Variants in AHNAK2 observed in about 807,000 individuals in gnomAD.
AHNAK2 encodes the protein protein AHNAK2.
A neutral mutation model predicts 30.7 loss-of-function variants in AHNAK2; 18 were observed. That is an observed-to-expected ratio of 0.59 (90% CI 0.41 to 0.87). AHNAK2 has a LOEUF of 0.87. AHNAK2 is among the 40% of genes least tolerant of loss of function. The pLI, the probability that AHNAK2 is intolerant of heterozygous loss-of-function variation, is 0.00. For synonymous variants in AHNAK2, 3,590 were observed against 3,073.8 expected, an observed-to-expected ratio of 1.17 and a Z score of -5.56; for missense variants, 8,604 against 7,373.0, an observed-to-expected ratio of 1.17 and a Z score of -6.11.
At chr14:104,974,422 C>T (rs1283525537) in intron 1 of AHNAK2, among the ~76,000 whole-genome samples, 4 of 152,264 alleles carry the variant, frequency 2.6e-5, no homozygotes, top group Admixed American at 1.3e-4. Flanking sequence ...CACCCCACCC[C>T]GTCCCAGATG....
chr14:104,946,713 C>A lies in AHNAK2; in HGVS notation c.8738G>T (p.Gly2913Val), dbSNP rs1488833635. The change falls in exon 7 of 7, where the codon GGC becomes GTC. Residue 2913 changes from glycine (G) to valine (V), a missense_variant. Coordinates refer to ENST00000333244, the MANE Select transcript of AHNAK2 (RefSeq NM_138420.4). Reference protein sequence around the residue: ...SFKMPKVDLKGPQIDVKGPKL... With the variant: ...SFKMPKVDLKVPQIDVKGPKL... ...GGGGCCCTTGACGTCTATCTGGGGG[C>A]CCTTGAGATCCACTTTGGGCATCTT... is the stretch of plus-strand genomic sequence containing the variant. 4 of 1,612,482 alleles carry A rather than the reference C, an allele frequency of 2.5e-6. No individual in the cohort carries two copies. The highest frequency in any genetic ancestry group is 1.7e-5 in the Admixed American group (1 of 59,898).
intron 4 of AHNAK2, among the ~76,000 whole-genome samples, 186 bp from the exon 5 acceptor site, chr14:104,955,819 C>G (rs1006144901): frequency 2.0e-5 from 3 of 152,194 alleles, no homozygotes; most frequent in Non-Finnish European, 4.4e-5. Flanking sequence ...CTGGAGGAAG[C>G]CAGCTGGAAC....
chr14:104,948,025 C>T lies in AHNAK2; in HGVS notation c.7426G>A (p.Val2476Met), dbSNP rs761226024. The T allele has an allele frequency of 1.9e-6, 3 of 1,612,748 alleles. No individual in the cohort carries two copies. The highest frequency in any genetic ancestry group is 8.5e-7 in the Non-Finnish European group (1 of 1,179,650). ...TTGAACCTGCTGTCTTTGGTAGTCA[C>T]ATCCTTGTCCGCCACAGACAGGTCC... is the stretch of plus-strand genomic sequence containing the variant. ...EGDLSVADKD[V>M]TTKDSRFKIP... Residue 2476 changes from valine to methionine, a missense_variant, in exon 7 of 7, where the codon GTG becomes ATG. Val to Met is a conservative substitution (Grantham distance 21, BLOSUM62 1). Transcript: ENST00000333244.
intron 1 of AHNAK2, among the ~76,000 whole-genome samples, chr14:104,970,668 C>T (rs953367985): frequency 1.3e-5 from 2 of 152,172 alleles, no homozygotes; most frequent in African/African-American, 2.4e-5. Context: ...GCCTGGCCAG[C>T]CCCCAACACT....
chr14:104,946,744 T>A lies in AHNAK2; in HGVS notation c.8707A>T (p.Ser2903Cys), dbSNP rs763401692. Residue 2903 changes from serine to cysteine, a missense_variant, in exon 7 of 7, where the codon AGT becomes TGT. Transcript: ENST00000333244. ...AGATCCACTTTGGGCATCTTGAAAC[T>A]GGGCATCTGCACCTTGGGCAGGTGC... ...KGHLPKVQMPSFKMPKVDLKG... is the reference protein window; with the variant it reads ...KGHLPKVQMPCFKMPKVDLKG... 2 of 1,612,528 alleles carry A rather than the reference T, an allele frequency of 1.2e-6. No individual in the cohort carries two copies. The highest frequency in any genetic ancestry group is 2.2e-5 in the South Asian group (2 of 91,028).
intron 1 of AHNAK2, among the ~76,000 whole-genome samples, chr14:104,969,231 T>TC (rs1899402703): frequency 6.6e-6 from 1 of 152,166 alleles, no homozygotes; most frequent in South Asian, 2.1e-4. Flanking sequence ...CAGCAGCCAT[T>TC]CCCCACTGCA....
Position 104,952,914 on chromosome 14 carries a change from G to T in AHNAK2, c.2537C>A (p.Ser846Ter), listed in dbSNP as rs200176964. Residue 846 changes from serine (S) to a stop codon, truncating the protein, a stop_gained, in exon 7 of 7, where the codon TCG (serine) becomes TAG (stop). Coordinates refer to ENST00000333244, the MANE Select transcript of AHNAK2 (RefSeq NM_138420.4). LOFTEE classifies it low-confidence loss of function (END_TRUNC). Reference protein sequence around the residue: ...PKFKMPSFGVSAPGKSMEDSV... With the variant: ...PKFKMPSFGV ...GTCCTCCATGGACTTGCCTGGGGCC[G>T]ACACCCCGAATGATGGCATCTTGAA... is the stretch of plus-strand genomic sequence containing the variant. 1.9e-6 allele frequency: 3 copies of T among 1,611,524 alleles called. No homozygotes were observed. The South Asian group carries it at 3.3e-5, about 18-fold the overall frequency.
chr14:104,969,846 G>A (rs777134600), intron 1 of AHNAK2, among the ~76,000 whole-genome samples: 6 of 152,168 alleles, frequency 3.9e-5, no homozygotes, highest in Non-Finnish European at 8.8e-5. Context: ...CTGAAAGGCC[G>A]GCCCCACAGA....
Position 104,944,222 on chromosome 14 carries a change from G to C in AHNAK2, c.11229C>G (p.Ile3743Met), listed in dbSNP as rs1432864806. The change falls in exon 7 of 7, where the codon ATC becomes ATG. Residue 3743 changes from isoleucine (I) to methionine (M), a missense_variant. Ile to Met is a conservative substitution (Grantham distance 10). Coordinates refer to ENST00000333244, the MANE Select transcript of AHNAK2 (RefSeq NM_138420.4). ...CTTTTAGGTCCAGCTTGGGGCCCTT[G>C]ATGTCCACCTGGGGGCCCTTGAGGT... is the stretch of plus-strand genomic sequence containing the variant. ...KVDLKGPQVD[I>M]KGPKLDLKVS... The C allele has an allele frequency of 1.2e-6, 2 of 1,611,190 alleles. No individual in the cohort carries two copies. The highest frequency in any genetic ancestry group is 1.7e-6 in the Non-Finnish European group (2 of 1,178,936).
chr14:104,956,018 T>C (rs545213668), intron 4 of AHNAK2, among the ~76,000 whole-genome samples: 1 of 152,336 alleles, frequency 6.6e-6, no homozygotes, highest in Admixed American at 6.5e-5. Flanking sequence ...GCAAGGCACC[T>C]GATGCTCAAG....
chr14:104,944,326 C>A lies in AHNAK2; in HGVS notation c.11125G>T (p.Gly3709Cys). The A allele has an allele frequency of 6.2e-7, 1 of 1,612,708 alleles. No individual in the cohort carries two copies. The highest frequency in any genetic ancestry group is 8.5e-7 in the Non-Finnish European group (1 of 1,179,532). The change falls in exon 7 of 7, where the codon GGC (glycine) becomes TGC (cysteine). Residue 3709 changes from glycine (G) to cysteine (C), a missense_variant. Gly to Cys is a radical substitution (Grantham distance 159). Transcript: ENST00000333244. ...AGQMDVKLPE[G>C]QVPEGAGLKE... ...AGGCCGGCTCCCTCGGGCACCTGGCCCTCCGGGAGCTTCACATCCATCTGG... is the reference window on the plus strand; with the variant it reads ...AGGCCGGCTCCCTCGGGCACCTGGCACTCCGGGAGCTTCACATCCATCTGG...
chr14:104,950,014 C>A lies in AHNAK2; in HGVS notation c.5437G>T (p.Asp1813Tyr), dbSNP rs185435736. 4.4e-6 allele frequency: 7 copies of A among 1,586,718 alleles called. 1 individual carries two copies. The highest frequency in any genetic ancestry group is 6.0e-6 in the Non-Finnish European group (7 of 1,163,250). Residue 1813 changes from aspartate (D) to tyrosine (Y), a missense_variant, in exon 7 of 7, where the codon GAC (aspartate) becomes TAC (tyrosine). Physicochemically the swap from Asp to Tyr is radical, Grantham distance 160 (BLOSUM62 -3). Transcript: ENST00000333244. ...VRLEGDLSLA[D>Y]KDVTAKDSKF... is the part of the protein sequence containing the mutation. ...CTGTCTTTGGCAGTCACATCCTTGT[C>A]GGCCAGGGACAGGTCACCCTCCAGC...
chr14:104,976,730 G>C (rs968283348), intron 1 of AHNAK2, among the ~76,000 whole-genome samples: 3 of 152,226 alleles, frequency 2.0e-5, no homozygotes, highest in Non-Finnish European at 4.4e-5. Flanking sequence ...GGGTGGATGA[G>C]ATGGTCCTGG....
At chr14:104,976,458 C>T (rs187344393) in intron 1 of AHNAK2, among the ~76,000 whole-genome samples, 1 of 152,264 alleles carries the variant, frequency 6.6e-6, no homozygotes, top group Non-Finnish European at 1.5e-5. Context: ...TGGACCAAAT[C>T]CAGGCTGGGA....
rs1477710740 is a variant in AHNAK2 at position 104,966,567 on chromosome 14, C to T, written c.56-8895G>A. On this transcript the variant is annotated intron_variant, in intron 1 of 6. Coordinates refer to ENST00000333244, the MANE Select transcript of AHNAK2 (RefSeq NM_138420.4). The surrounding 1 kb of genome is among the most constrained non-coding windows in gnomAD (Gnocchi z 4.3). ...GCACCCCCAACCTGCACAGACAGAACTTGGCCAGCCCCACCGCTCTGCCTC... is the reference window on the plus strand; with the variant it reads ...GCACCCCCAACCTGCACAGACAGAATTTGGCCAGCCCCACCGCTCTGCCTC... Among the ~76,000 whole-genome samples the T allele has an allele frequency of 6.6e-5, 10 of 152,278 alleles. No homozygotes were observed. Among genetic ancestry groups the T allele is most frequent in the African/African-American group, 2.4e-4 (10 of 41,552 alleles).
chr14:104,964,920 A>G (rs1899256530), intron 1 of AHNAK2, among the ~76,000 whole-genome samples: 1 of 152,262 alleles, frequency 6.6e-6, no homozygotes, highest in Non-Finnish European at 1.5e-5. Flanking sequence ...ATTTCGATTG[A>G]TTGGATATAT....
rs751601538 is a variant in AHNAK2 at position 104,954,269 on chromosome 14, T to C, written c.1182A>G (p.Pro394=). The stretch of plus-strand genomic sequence containing the variant: ...TAGGGTCACCGAGCTCTGTGGGCAA[T>C]GGCATGCTCTGAGCAGGCATCACTT... ...DREVMPAQSM[P]LPTELGDPRL... The change falls in exon 7 of 7, where the codon CCA becomes CCG. Residue 394 remains proline (P), a synonymous_variant. Transcript: ENST00000333244. This position sits in a 1 kb window ranked among gnomAD's most constrained non-coding sequence, Gnocchi z 4.3. 2 of 1,613,304 alleles carry C rather than the reference T, an allele frequency of 1.2e-6. No individual in the cohort carries two copies. The highest frequency in any genetic ancestry group is 1.7e-6 in the Non-Finnish European group (2 of 1,179,862).
Position 104,950,327 on chromosome 14 carries a change from A to C in AHNAK2, c.5124T>G (p.Ile1708Met), listed in dbSNP as rs372484513. 1.3e-6 allele frequency: 2 copies of C among 1,580,748 alleles called. No homozygotes were observed. The highest frequency in any genetic ancestry group is 1.4e-5 in the African/African-American group (1 of 70,860). The change falls in exon 7 of 7, where the codon ATT becomes ATG. Residue 1708 changes from isoleucine (I) to methionine (M), a missense_variant. Transcript: ENST00000333244. ...QGDLKTTDLS[I>M]QSPSADLEVQ... ...CCTCCAGGTCGGCGGAAGGGGACTGAATGCTGAGGTCAGTGGTCTTCAGGT... is the reference window on the plus strand; with the variant it reads ...CCTCCAGGTCGGCGGAAGGGGACTGCATGCTGAGGTCAGTGGTCTTCAGGT...
rs191242701 is a variant in AHNAK2 at position 104,950,569 on chromosome 14, C to G, written c.4882G>C (p.Val1628Leu). ...TCCAGCTTTGCTCTCGGGGCCTGGA[C>G]GTCCACCTCCATGCTGGACAGAGAC... ...KMSLSSMEVD[V>L]QAPRAKLDGA... The change falls in exon 7 of 7, where the codon GTC becomes CTC. Residue 1628 changes from valine to leucine, a missense_variant. By Grantham distance (32) the Val-to-Leu change is conservative. Coordinates refer to ENST00000333244, the MANE Select transcript of AHNAK2 (RefSeq NM_138420.4). 1 of 1,586,910 alleles carries G rather than the reference C, an allele frequency of 6.3e-7. No individual in the cohort carries two copies. Among genetic ancestry groups the G allele is most frequent in the Non-Finnish European group, 8.6e-7 (1 of 1,162,788 alleles).
Sources: allele counts gnomAD v4.1 joint callset (sites outside exome capture counted in the v4.1 genomes callset), GRCh38; gene constraint gnomAD v4.1.1; non-coding constraint Gnocchi (gnomAD v3.1); transcripts MANE v1.5; gene names NCBI Gene and HGNC (gene_info 2026-07-23, HGNC 2026-07-21).